OTULIN: variants seen among roughly 807,000 people sequenced by gnomAD.
OTULIN encodes ubiquitin thioesterase otulin.
A neutral mutation model predicts 39.6 loss-of-function variants in OTULIN; 15 were observed. That is an observed-to-expected ratio of 0.38 (90% confidence interval 0.25 to 0.58). The LOEUF is 0.58. OTULIN is among the 20% of genes least tolerant of loss of function. The pLI is 0.66. For synonymous variants in OTULIN, 156 were observed against 170.3 expected (o/e 0.92, Z 0.65); for missense variants, 319 against 445.9 (o/e 0.72, Z 2.56).
intron 3 of OTULIN, among the ~76,000 whole-genome samples, chr5:14,681,023 G>A (rs191909676): frequency 1.8e-4 from 28 of 152,270 alleles, no homozygotes; most frequent in Admixed American, 5.9e-4. Flanking sequence ...TTGCGCCACT[G>A]CACTCCAGCC....
chr5:14,716,223 C>T, the OTULIN span, among the ~76,000 whole-genome samples: 5 of 152,160 alleles, frequency 3.3e-5, no homozygotes, highest in Non-Finnish European at 7.3e-5. Flanking sequence ...AGTTGTACGC[C>T]AGGTGCAGTG....
At chr5:14,713,029 C>A in the OTULIN span, 1 of 1,523,066 alleles carries the variant, frequency 6.6e-7, no homozygotes, top group East Asian at 2.3e-5. The surrounding 1 kb of genome is among the most constrained non-coding windows in gnomAD (Gnocchi z 4.4). Context: ...AAGGCACAAC[C>A]GTCGATGCCA....
chr5:14,689,237 A>C (rs1426286447), intron 5 of OTULIN, among the ~76,000 whole-genome samples: 1 of 152,214 alleles, frequency 6.6e-6, no homozygotes, highest in African/African-American at 2.4e-5. Context: ...AGATACAGAC[A>C]AGCAAGTACC....
intron 4 of OTULIN, among the ~76,000 whole-genome samples, chr5:14,686,476 CT>C (rs879921274): frequency 5.1e-4 from 75 of 146,252 alleles, no homozygotes; most frequent in African/African-American, 1.2e-3. Flanking sequence ...AATTTTTAAA[CT>C]TTTTTTTTTT....
At chr5:14,673,811 A>G in intron 2 of OTULIN, 93 bp downstream of exon 2, 1 of 1,055,246 alleles carries the variant, frequency 9.5e-7, no homozygotes, top group Non-Finnish European at 1.4e-6. Context: ...AAATATCAAT[A>G]AAATATTCTT....
intron 6 of OTULIN, among the ~76,000 whole-genome samples, chr5:14,692,009 G>T (rs1736540316): frequency 6.6e-6 from 1 of 152,156 alleles, no homozygotes; most frequent in Non-Finnish European, 1.5e-5. Context: ...TGGGTATTTG[G>T]ATTGTTTCCA....
chr5:14,708,177 C>A, the OTULIN span: 1 of 152,224 alleles, frequency 6.6e-6, no homozygotes, highest in African/African-American at 2.4e-5. Flanking sequence ...AGGATGACGT[C>A]CCTTGTGCTA....
chr5:14,667,076 A>G (rs1735867911), intron 1 of OTULIN, among the ~76,000 whole-genome samples: 1 of 152,204 alleles, frequency 6.6e-6, no homozygotes, highest in Non-Finnish European at 1.5e-5. Context: ...ATTATTTAAA[A>G]TGTTTACACT....
In OTULIN at chr5:14,690,513, T is replaced by C. The variant is rs1385063725; in HGVS notation, c.864+205T>C. Among the ~76,000 whole-genome samples the C allele has an allele frequency of 6.6e-6, 1 of 152,102 alleles. No homozygotes were observed. Among genetic ancestry groups the C allele is most frequent in the African/African-American group, 2.4e-5 (1 of 41,422 alleles). ...GGGCTGGAAGATCTACTTCCAGTGT[T>C]GTTCACTCATGTGGCTGTGGGCAGG... On this transcript the variant is annotated intron_variant, in intron 6 of 6. Transcript: ENST00000284274. The surrounding 1 kb of genome is among the most constrained non-coding windows in gnomAD (Gnocchi z 4.5).
intron 2 of OTULIN, among the ~76,000 whole-genome samples, chr5:14,676,438 C>CA (rs1736107064): frequency 6.6e-6 from 1 of 152,202 alleles, no homozygotes; most frequent in Non-Finnish European, 1.5e-5. Context: ...CTCAGAGGAC[C>CA]ACAGCAGAAT....
In OTULIN at chr5:14,693,056, A is replaced by C; in HGVS notation, c.*8A>C. On this transcript the variant is annotated 3_prime_UTR_variant, in exon 7 of 7. Transcript: ENST00000284274. ...GAGGAGACCAGTCTATGAGAGACGC[A>C]TGCTCCTGACAGCCTGGCGACGTGG... The C allele has an allele frequency of 6.3e-7, 1 of 1,599,044 alleles. No individual in the cohort carries two copies. The highest frequency in any genetic ancestry group is 8.5e-7 in the Non-Finnish European group (1 of 1,170,072).
chr5:14,705,834 G>T, the OTULIN span: 3 of 152,414 alleles, frequency 2.0e-5, no homozygotes, highest in Admixed American at 6.5e-5. Flanking sequence ...TTAGCTTTCA[G>T]TAGCTGTTTC....
At chr5:14,672,365 C>T (rs140990929) in intron 1 of OTULIN, among the ~76,000 whole-genome samples, 2 of 152,250 alleles carry the variant, frequency 1.3e-5, no homozygotes, top group Non-Finnish European at 2.9e-5. Flanking sequence ...CAGTCTGGCC[C>T]TCCCAGTACC....
intron 6 of OTULIN, 118 bp from the exon 7 acceptor site, chr5:14,692,736 G>GA (rs1242849130): frequency 2.6e-6 from 2 of 776,296 alleles, no homozygotes; most frequent in Non-Finnish European, 4.1e-6. Flanking sequence ...AAAGCAGGAG[G>GA]AAAAAACGTT....
chr5:14,697,622 C>G lies in OTULIN; in HGVS notation c.*4574C>G, dbSNP rs942798415. 1 of 152,142 alleles carries G rather than the reference C, an allele frequency of 6.6e-6. No homozygotes were observed. The highest frequency in any genetic ancestry group is 2.4e-5 in the African/African-American group (1 of 41,420). 9.4% of individuals were successfully genotyped at this position (152,142 alleles called of 1,614,324 possible). ...GTATTGAAATGTTATATCAATACAT[C>G]ATTTATGATGTGTGTGTGGTCCCAG... is the stretch of plus-strand genomic sequence containing the variant. On this transcript the variant is annotated 3_prime_UTR_variant, in exon 7 of 7. Coordinates refer to ENST00000284274, the MANE Select transcript of OTULIN (RefSeq NM_138348.6).
At chr5:14,701,935 A>G (rs1736803654), downstream of OTULIN, among the ~76,000 whole-genome samples, 1 of 152,120 alleles carries the variant, frequency 6.6e-6, no homozygotes, top group Non-Finnish European at 1.5e-5. Context: ...GCTGCTGAGA[A>G]TGGGTGTGTG....
the OTULIN span, chr5:14,709,467 G>A: frequency 6.6e-6 from 1 of 152,174 alleles, no homozygotes; most frequent in African/African-American, 2.4e-5. Flanking sequence ...ATCAGCACTG[G>A]GTACCCAGGA....
chr5:14,677,576 C>A (rs972865516), intron 2 of OTULIN, among the ~76,000 whole-genome samples: 1 of 152,114 alleles, frequency 6.6e-6, no homozygotes, highest in Non-Finnish European at 1.5e-5. Flanking sequence ...AAAATCAAAC[C>A]CCAAACCATA....
In OTULIN at chr5:14,664,860, G is replaced by A; in HGVS notation, c.35G>A (p.Trp12Ter). Residue 12 changes from tryptophan to a stop codon, truncating the protein, a stop_gained, in exon 1 of 7, where the codon TGG (tryptophan) becomes TAG (stop). Transcript: ENST00000284274. LOFTEE classifies it high-confidence loss of function. ...GGGACTATGCCCCAGCCCGAAGCGT[G>A]GCCAGGCGCGAGCTGCGCCGAGACG... ...SRGTMPQPEA[W>*]PGASCAETPA... 4 of 1,208,652 alleles carry A rather than the reference G, an allele frequency of 3.3e-6. No individual in the cohort carries two copies. Among genetic ancestry groups the A allele is most frequent in the African/African-American group, 3.1e-5 (2 of 63,650 alleles). 74.9% of individuals were successfully genotyped at this position (1,208,652 alleles called of 1,614,324 possible).
Sources: gnomAD v4.1 joint callset for allele counts (sites outside exome capture counted in the v4.1 genomes callset) on GRCh38, gnomAD v4.1.1 for gene constraint, Gnocchi (gnomAD v3.1) non-coding constraint, MANE v1.5 for transcripts, NCBI Gene and HGNC (gene_info 2026-07-23, HGNC 2026-07-21) for gene names.